Variants in SPECC1 observed in about 807,000 individuals in gnomAD.
SPECC1 encodes sperm antigen with calponin homology and coiled-coil domains 1.
In SPECC1, 62 loss-of-function variants were observed where a neutral mutation model predicts 104.1. The ratio of observed to expected loss-of-function variants is 0.60; its 90% CI spans 0.49 to 0.74. SPECC1 has a LOEUF of 0.74. Ranked by LOEUF, SPECC1 falls within the 30% of genes least tolerant of loss-of-function variation. The probability of loss-of-function intolerance (pLI) is 0.00; values close to 1 mark genes in which losing one functional copy is unlikely to be tolerated. For synonymous variants in SPECC1, 513 were observed against 501.6 expected (o/e 1.02, Z -0.30); for missense variants, 1,306 against 1,310.5 (o/e 1.00, Z 0.05).
chr17:20,122,390 G>T (rs1275087563), intron 3 of SPECC1, among the ~76,000 whole-genome samples: 4 of 152,186 alleles, frequency 2.6e-5, no homozygotes, highest in Non-Finnish European at 5.9e-5. Flanking sequence ...AGTGACCTGG[G>T]CTGGGCTGGC....
intron 3 of SPECC1, among the ~76,000 whole-genome samples, chr17:20,178,816 G>A (rs756692663): frequency 1.3e-5 from 2 of 152,226 alleles, no homozygotes; most frequent in Non-Finnish European, 2.9e-5. Flanking sequence ...ACCCATCTGA[G>A]CTGAATAAAA....
chr17:20,175,366 T>C (rs2034402043), intron 3 of SPECC1, among the ~76,000 whole-genome samples: 1 of 152,242 alleles, frequency 6.6e-6, no homozygotes, highest in African/African-American at 2.4e-5. Flanking sequence ...TAAAATCTTT[T>C]AATGCTTTTG....
chr17:20,013,475 G>A (rs553607758), intron 1 of SPECC1, among the ~76,000 whole-genome samples: 66 of 152,088 alleles, frequency 4.3e-4, no homozygotes, highest in Admixed American at 2.2e-3. Context: ...GATCTTTTGC[G>A]GATTATTCCT....
At chr17:20,079,965 T>C (rs1286481541) in intron 1 of SPECC1, among the ~76,000 whole-genome samples, 2 of 152,190 alleles carry the variant, frequency 1.3e-5, no homozygotes, top group African/African-American at 2.4e-5. Context: ...TACCGCCATG[T>C]CTTCATTCCT....
Position 20,204,998 on chromosome 17 carries a change from A to G in SPECC1, c.949A>G (p.Ser317Gly). 1 of 1,614,232 alleles carries G rather than the reference A, an allele frequency of 6.2e-7. No homozygotes were observed. Among genetic ancestry groups the G allele is most frequent in the African/African-American group, 1.3e-5 (1 of 75,072 alleles). ...NALRTSGSSS[S>G]DVTKASLSPD... ...ATTACGGACATCAGGCTCCTCAAGTAGCGATGTTACCAAAGCTTCTTTGTC... is the reference window on the plus strand; with the variant it reads ...ATTACGGACATCAGGCTCCTCAAGTGGCGATGTTACCAAAGCTTCTTTGTC... Residue 317 changes from serine to glycine, a missense_variant, in exon 4 of 15, where the codon AGC (serine) becomes GGC (glycine). This residue lies in a region of SPECC1 where 1,177 missense variants were observed against 1,139.9 expected (regional missense o/e 1.03). Transcript: ENST00000395527.
intron 1 of SPECC1, among the ~76,000 whole-genome samples, chr17:20,052,691 G>T (rs1341108430): frequency 6.6e-6 from 1 of 152,158 alleles, no homozygotes; most frequent in African/African-American, 2.4e-5. Context: ...TTAGATACGT[G>T]GCCCAATCAA....
rs1453395898 is a variant in SPECC1, at chr17:20,286,989, T to TC, written c.2941-9968dup. On this transcript the variant is annotated intron_variant, in intron 12 of 14. Coordinates refer to ENST00000395527, the MANE Select transcript of SPECC1 (RefSeq NM_001243439.2). ...AAAGTCCTGGCTCCTGGAGGACTGA[T>TC]CCCCTTGCACTCCTTAGGCCATCGG... Among the ~76,000 whole-genome samples the TC allele has an allele frequency of 6.6e-5, 10 of 152,338 alleles. No homozygotes were observed. In the East Asian group the frequency reaches 1.9e-3, roughly 29 times the overall value.
chr17:20,045,037 A>T (rs1161363955), intron 1 of SPECC1, among the ~76,000 whole-genome samples: 1 of 152,254 alleles, frequency 6.6e-6, no homozygotes, highest in Admixed American at 6.5e-5. Flanking sequence ...TTTTCCAAAA[A>T]GTAATTCTTG....
chr17:20,034,012 A>G (rs955617813), intron 1 of SPECC1, among the ~76,000 whole-genome samples: 11 of 152,236 alleles, frequency 7.2e-5, no homozygotes, highest in African/African-American at 2.7e-4. Flanking sequence ...TAACAATGCC[A>G]TGGAGCATAA....
chr17:20,295,265 G>T (rs1198732685), intron 12 of SPECC1, among the ~76,000 whole-genome samples: 1 of 147,178 alleles, frequency 6.8e-6, no homozygotes, highest in African/African-American at 2.5e-5. Flanking sequence ...GTGAGAACAT[G>T]CAGTGTTTGG....
chr17:20,098,130 C>T (rs2047740875), intron 2 of SPECC1, among the ~76,000 whole-genome samples: 1 of 152,128 alleles, frequency 6.6e-6, no homozygotes, highest in Non-Finnish European at 1.5e-5. Context: ...CTTGGATGTC[C>T]AAAAGTGTAA....
chr17:20,181,149 A>G (rs1174114671), intron 3 of SPECC1, among the ~76,000 whole-genome samples: 1 of 152,190 alleles, frequency 6.6e-6, no homozygotes, highest in Non-Finnish European at 1.5e-5. Context: ...TGATATCAAA[A>G]TTTGTAGAAT....
chr17:20,156,695 C>T (rs1342021444), intron 3 of SPECC1, among the ~76,000 whole-genome samples: 1 of 152,198 alleles, frequency 6.6e-6, no homozygotes, highest in Non-Finnish European at 1.5e-5. Context: ...TGTTCCTAAC[C>T]CAGAATAGTC....
At chr17:20,047,909 A>G (rs1210997062) in intron 1 of SPECC1, among the ~76,000 whole-genome samples, 3 of 152,140 alleles carry the variant, frequency 2.0e-5, no homozygotes, top group Non-Finnish European at 4.4e-5. Flanking sequence ...CCCCAAATGA[A>G]TGTCCGCTTT....
At chr17:20,137,535 T>C (rs1257438534) in intron 3 of SPECC1, among the ~76,000 whole-genome samples, 2 of 152,246 alleles carry the variant, frequency 1.3e-5, no homozygotes, top group African/African-American at 4.8e-5. Flanking sequence ...TTAGGAATTA[T>C]GGCAAAACAA....
At position 20,227,466 on chromosome 17, in the gene SPECC1, G is replaced by A. The variant is rs1567962026; in HGVS notation, c.1917G>A (p.Gln639=). Reference sequence around the variant, plus strand: ...AGATATGTGATCACCAAGCCGAACAGCTGAGCAGAACCAGCCTAAAGCTGC... The same window carrying A: ...AGATATGTGATCACCAAGCCGAACAACTGAGCAGAACCAGCCTAAAGCTGC... ...LKEICDHQAE[Q]LSRTSLKLQE... is the part of the protein sequence containing the mutation. Residue 639 remains glutamine (Q), a synonymous_variant, in exon 5 of 15, where the codon CAG becomes CAA. Transcript: ENST00000395527. The A allele has an allele frequency of 1.1e-5, 18 of 1,613,776 alleles. No individual in the cohort carries two copies. Among genetic ancestry groups the A allele is most frequent in the East Asian group, 2.2e-5 (1 of 44,880 alleles).
chr17:20,025,310 T>C (rs2044557986), intron 1 of SPECC1, among the ~76,000 whole-genome samples: 1 of 152,318 alleles, frequency 6.6e-6, no homozygotes, highest in African/African-American at 2.4e-5. Context: ...GGAAATCAAT[T>C]TCTATGTTTA....
intron 7 of SPECC1, among the ~76,000 whole-genome samples, chr17:20,245,225 C>T (rs956442463): frequency 6.6e-6 from 1 of 152,194 alleles, no homozygotes; most frequent in Admixed American, 6.5e-5. Context: ...CTCCCAAAGT[C>T]TCCACACACA....
intron 1 of SPECC1, among the ~76,000 whole-genome samples, chr17:20,059,492 G>C (rs1434297361): frequency 6.6e-6 from 1 of 152,132 alleles, no homozygotes; most frequent in Non-Finnish European, 1.5e-5. Context: ...TGGGGGTTGG[G>C]GACCCCTGAT....
Sources: gnomAD v4.1 joint callset for allele counts (sites outside exome capture counted in the v4.1 genomes callset) on GRCh38, gnomAD v4.1.1 for gene constraint, gnomAD v4.1.1 regional missense constraint, MANE v1.5 for transcripts, NCBI Gene and HGNC (gene_info 2026-07-23, HGNC 2026-07-21) for gene names.